The following TMEM50B variants were observed in gnomAD, a reference collection of about 807,000 sequenced individuals.
The protein encoded by TMEM50B is HCV p7-trans-regulated protein 3.
TMEM50B carries 14 observed loss-of-function variants against 23.4 expected under a neutral mutation model. The ratio of observed to expected loss-of-function variants is 0.60; its 90% CI spans 0.39 to 0.93. The LOEUF (loss-of-function observed/expected upper bound fraction) is 0.93, where lower values mean the gene tolerates loss of function less well. Ranked by LOEUF, TMEM50B falls within the 40% of genes least tolerant of loss-of-function variation. The pLI, the probability that TMEM50B is intolerant of heterozygous loss-of-function variation, is 0.00. For synonymous variants in TMEM50B, 64 were observed against 62.3 expected, an observed-to-expected ratio of 1.03 and a Z score of -0.13; for missense variants, 159 against 193.0, an observed-to-expected ratio of 0.82 and a Z score of 1.04.
At chr21:33,479,216 T>G in intron 1 of TMEM50B, 1 of 166,960 alleles carries the variant, frequency 6.0e-6, no homozygotes, top group Non-Finnish European at 1.3e-5. Flanking sequence ...CCAGTGACAA[T>G]GCTCTGCTGC....
chr21:33,434,459 T>C (rs777203472), intron 8 of TMEM50B, among the ~76,000 whole-genome samples: 19 of 152,008 alleles, frequency 1.2e-4, no homozygotes, highest in Non-Finnish European at 2.4e-4. Flanking sequence ...GAGGTGGAAG[T>C]TACAGTAAGC....
intron 6 of TMEM50B, 127 bp downstream of exon 6, chr21:33,455,600 T>C (rs2084161767): frequency 1.2e-6 from 1 of 820,570 alleles, no homozygotes; most frequent in Non-Finnish European, 2.0e-6. Context: ...AATTCTCACC[T>C]TTTAAAAGAA....
intron 1 of TMEM50B, among the ~76,000 whole-genome samples, chr21:33,473,513 C>A (rs1489342330): frequency 2.7e-5 from 4 of 148,380 alleles, no homozygotes; most frequent in African/African-American, 9.9e-5. Flanking sequence ...CAAAAATATT[C>A]TCCAAAAATG....
intron 4 of TMEM50B, among the ~76,000 whole-genome samples, chr21:33,464,347 G>T (rs1701115896): frequency 6.6e-6 from 1 of 151,736 alleles, no homozygotes; most frequent in Admixed American, 6.6e-5. Flanking sequence ...ACAGAAGTGT[G>T]TCACCACGCC....
At chr21:33,436,941 A>C in intron 8 of TMEM50B, 2 of 1,614,036 alleles carry the variant, frequency 1.2e-6, no homozygotes, top group Non-Finnish European at 1.7e-6. Context: ...AGGAGCAAGA[A>C]GATGTTCTCC....
At position 33,432,729 on chromosome 21, in the gene TMEM50B, A is replaced by G. The variant is rs2083901482; in HGVS notation, c.*2194T>C. 6.2e-7 allele frequency: 1 copy of G among 1,614,136 alleles called. No homozygotes were observed. The highest frequency in any genetic ancestry group is 1.3e-5 in the African/African-American group (1 of 75,024). On this transcript the variant is annotated 3_prime_UTR_variant and NMD_transcript_variant, in exon 9 of 9. Transcript: ENST00000420455. ...CTCTTTTTAGCCTCCACTGAGCTTC[A>G]GCAAGTCATCCTGATCTCCGTGGGA...
intron 3 of TMEM50B, 141 bp downstream of exon 3, chr21:33,466,869 A>G: frequency 1.7e-6 from 1 of 604,392 alleles, no homozygotes; most frequent in Non-Finnish European, 2.7e-6. Flanking sequence ...AAAAATCGTA[A>G]TAAAATGGGA....
chr21:33,477,796 A>G (rs1460210995), intron 1 of TMEM50B, among the ~76,000 whole-genome samples: 2 of 146,844 alleles, frequency 1.4e-5, no homozygotes, highest in Non-Finnish European at 3.0e-5. Context: ...GGGCAACAAG[A>G]GCAAAACTCG....
chr21:33,446,650 ACACAC>A (rs796786073), downstream of TMEM50B, among the ~76,000 whole-genome samples: 301 of 86,274 alleles, frequency 3.5e-3, 5 homozygotes, highest in African/African-American at 7.1e-3. Flanking sequence ...ACACACACAC[ACACAC>A]AAAAAAAAAA....
chr21:33,472,148 C>G (rs13052004), intron 1 of TMEM50B, among the ~76,000 whole-genome samples: 3,788 of 151,644 alleles, frequency 0.025, 68 homozygotes, highest in Non-Finnish European at 0.04. Context: ...CTTTGGGAGG[C>G]CAAGGCGGGG....
downstream of TMEM50B, chr21:33,448,745 C>T (rs1163648647): frequency 6.6e-6 from 1 of 152,050 alleles, no homozygotes; most frequent in Non-Finnish European, 1.5e-5. Context: ...CCTCCCAAAA[C>T]ATTTTTTTTT....
chr21:33,434,662 C>A (rs1278366235), intron 8 of TMEM50B, among the ~76,000 whole-genome samples: 1 of 152,192 alleles, frequency 6.6e-6, no homozygotes, highest in Non-Finnish European at 1.5e-5. Context: ...TCCAAGTCTG[C>A]AGAAACATAG....
rs1601140983 is a variant in TMEM50B at position 33,478,911 on chromosome 21, G to C, written c.-42+927C>G. ...GTAGGATGAAGAGTCTGAGAAGGGAGATGGGATCCTCCGAAAAGAGAAAAT... is the reference window on the plus strand; with the variant it reads ...GTAGGATGAAGAGTCTGAGAAGGGACATGGGATCCTCCGAAAAGAGAAAAT... On this transcript the variant is annotated intron_variant, in intron 1 of 6. Coordinates refer to ENST00000542230, the MANE Select transcript of TMEM50B (RefSeq NM_006134.7). 1.4e-5 allele frequency: 6 copies of C among 435,038 alleles called. No individual in the cohort carries two copies. The East Asian group carries it at 2.9e-4, about 21-fold the overall frequency. 26.9% of individuals were successfully genotyped at this position (435,038 alleles called of 1,614,324 possible). A position where few individuals can be genotyped will look rare whatever the true frequency, so the allele number is the denominator to read the frequency against.
intron 8 of TMEM50B, among the ~76,000 whole-genome samples, chr21:33,434,661 G>A (rs1347226256): frequency 1.3e-5 from 2 of 152,172 alleles, no homozygotes; most frequent in East Asian, 3.8e-4. Context: ...GTCCAAGTCT[G>A]CAGAAACATA....
intron 7 of TMEM50B, among the ~76,000 whole-genome samples, chr21:33,441,482 G>A (rs1333263199): frequency 2.0e-5 from 3 of 152,140 alleles, no homozygotes; most frequent in Non-Finnish European, 4.4e-5. Flanking sequence ...AATTATCCTT[G>A]GCTATAAGGA....
At chr21:33,476,653 C>T (rs1345801313) in intron 1 of TMEM50B, among the ~76,000 whole-genome samples, 7 of 143,516 alleles carry the variant, frequency 4.9e-5, no homozygotes, top group Admixed American at 3.7e-4. Context: ...CCCAGCTTCT[C>T]GGGAGGCTGA....
intron 8 of TMEM50B, chr21:33,436,736 T>TAAAA: frequency 3.9e-6 from 4 of 1,022,552 alleles, no homozygotes; most frequent in Non-Finnish European, 5.7e-6. Flanking sequence ...AAAATAAAAA[T>TAAAA]AAAAATAAAA....
chr21:33,457,980 T>C (rs543849527), intron 5 of TMEM50B, among the ~76,000 whole-genome samples: 28 of 152,298 alleles, frequency 1.8e-4, no homozygotes, highest in Non-Finnish European at 3.1e-4. Flanking sequence ...AGCCAACTGA[T>C]GAGACCATGC....
chr21:33,446,473 G>A (rs1185077055), downstream of TMEM50B, among the ~76,000 whole-genome samples: 3 of 150,868 alleles, frequency 2.0e-5, no homozygotes, highest in Non-Finnish European at 4.4e-5. Context: ...CTGACCTCAA[G>A]TAATCTGCCC....
Sources: allele counts gnomAD v4.1 joint callset (sites outside exome capture counted in the v4.1 genomes callset), GRCh38; gene constraint gnomAD v4.1.1; transcripts MANE v1.5; gene names NCBI Gene and HGNC (gene_info 2026-07-23, HGNC 2026-07-21).